The following LRRCC1 variants were observed in gnomAD, a reference collection of about 807,000 sequenced individuals.
LRRCC1 encodes leucine rich repeat and coiled-coil centrosomal protein 1.
A neutral mutation model predicts 126.0 loss-of-function variants in LRRCC1; 115 were observed. That is an observed-to-expected ratio of 0.91 (90% CI 0.78 to 1.07). The LOEUF (loss-of-function observed/expected upper bound fraction) is 1.07, where lower values mean the gene tolerates loss of function less well. Among genes scored for constraint, LRRCC1 ranks in the 50% least tolerant of loss-of-function variants. LRRCC1 has a pLI of 0.00. For missense variants in LRRCC1, 1,172 were observed against 1,175.7 expected, an observed-to-expected ratio of 1.00 and a Z score of 0.05; for synonymous variants, 400 against 393.4, an observed-to-expected ratio of 1.02 and a Z score of -0.20.
At position 85,123,439 on chromosome 8, in the gene LRRCC1, T is replaced by C; in HGVS notation, c.957T>C (p.Leu319=). Residue 319 remains leucine (L), a synonymous_variant, in exon 7 of 19, where the codon CTT becomes CTC. Coordinates refer to ENST00000360375, the MANE Select transcript of LRRCC1 (RefSeq NM_033402.5). ...CTTCTAATTCAATAGATAACGTTCT[T>C]GAGAAAGACCCCAGACCAAAAAGAG... ...NETSNSIDNV[L]EKDPRPKRDT... 1.9e-6 allele frequency: 3 copies of C among 1,599,196 alleles called. No homozygotes were observed. Among genetic ancestry groups the C allele is most frequent in the Non-Finnish European group, 2.6e-6 (3 of 1,176,370 alleles).
chr8:85,140,134 C>T (rs895371561), intron 17 of LRRCC1, among the ~76,000 whole-genome samples: 1 of 152,152 alleles, frequency 6.6e-6, no homozygotes, highest in African/African-American at 2.4e-5. Context: ...TCAGACTTTT[C>T]CATTGCATTA....
chr8:85,123,735 G>T, intron 7 of LRRCC1, 129 bp downstream of exon 7: 3 of 664,344 alleles, frequency 4.5e-6, no homozygotes, highest in East Asian at 2.9e-5. Flanking sequence ...AGCCTTGCAG[G>T]TTCTGATCTG....
In LRRCC1 at chr8:85,131,851, C is replaced by G; in HGVS notation, c.1858C>G (p.Gln620Glu). 6.2e-7 allele frequency: 1 copy of G among 1,613,620 alleles called. No homozygotes were observed. Among genetic ancestry groups the G allele is most frequent in the Non-Finnish European group, 8.5e-7 (1 of 1,179,776 alleles). ...EIAKEEKKHEQMIKEYQEKID... is the reference protein window; with the variant it reads ...EIAKEEKKHEEMIKEYQEKID... The stretch of plus-strand genomic sequence containing the variant: ...AGCCAAAGAAGAGAAAAAGCATGAG[C>G]AAATGATAAAAGAATACCAAGAGAA... The change falls in exon 12 of 19, where the codon CAA becomes GAA. Residue 620 changes from glutamine to glutamate, a missense_variant. Coordinates refer to ENST00000360375, the MANE Select transcript of LRRCC1 (RefSeq NM_033402.5).
rs766803830 is a variant in LRRCC1, at chr8:85,107,360, G to T, written c.65G>T (p.Ser22Ile). ...AEVENEDGDS[S>I]CGDVCFMDKG... ...GTGGAAAACGAAGACGGCGACAGCA[G>T]CTGCGGGGATGTATGCTTCATGGAC... Residue 22 changes from serine to isoleucine, a missense_variant, in exon 1 of 19, where the codon AGC (serine) becomes ATC (isoleucine). Physicochemically the swap from Ser to Ile is moderately radical, Grantham distance 142 (BLOSUM62 -2). Transcript: ENST00000360375. The T allele has an allele frequency of 5.6e-6, 9 of 1,613,770 alleles. No individual in the cohort carries two copies. The South Asian group carries it at 9.9e-5, about 18-fold the overall frequency.
chr8:85,120,407 C>T (rs1367615529), intron 6 of LRRCC1, among the ~76,000 whole-genome samples: 2 of 152,114 alleles, frequency 1.3e-5, no homozygotes, highest in South Asian at 2.1e-4. Context: ...TCTTTATTTG[C>T]TTCTTATGTT....
chr8:85,111,647 C>G (rs980024489), intron 3 of LRRCC1, among the ~76,000 whole-genome samples: 1 of 151,876 alleles, frequency 6.6e-6, no homozygotes, highest in African/African-American at 2.4e-5. Flanking sequence ...AAGATTTGAA[C>G]AGACACTTCA....
At chr8:85,132,507 C>T (rs1315602155) in intron 12 of LRRCC1, among the ~76,000 whole-genome samples, 1 of 150,540 alleles carries the variant, frequency 6.6e-6, no homozygotes, top group Admixed American at 6.7e-5. Flanking sequence ...GTTCTGCTGT[C>T]TCAGCCTCCC....
rs56328246 is a variant in LRRCC1 at position 85,144,442 on chromosome 8, GTGTATATATA to G, written c.2977-945_2977-936del. 3.7e-3 allele frequency among the ~76,000 whole-genome samples: 395 copies of G among 106,660 alleles called. 5 individuals carry two copies. Among genetic ancestry groups the G allele is most frequent in the African/African-American group, 8.5e-3 (208 of 24,612 alleles). 70.0% of individuals were successfully genotyped at this position (106,660 alleles called of 152,430 possible). On this transcript the variant is annotated intron_variant, in intron 18 of 18. Transcript: ENST00000360375. ...TGTGTGTGTGTATGTGTGTGTGTGT[GTGTATATATA>G]TATATATATATATATATATATATTT...
intron 9 of LRRCC1, among the ~76,000 whole-genome samples, chr8:85,128,242 G>A (rs1048834465): frequency 1.3e-5 from 2 of 152,110 alleles, no homozygotes; most frequent in African/African-American, 4.8e-5. Context: ...TATTTAGTGG[G>A]ATATTAGAGG....
chr8:85,107,265 G>A lies in LRRCC1; in HGVS notation c.-31G>A, dbSNP rs1808300321. ...GCTCACGGACCCCTCGCTGGGTGCC[G>A]GTTAAGACCCCGCTCCCCGTCGCCA... On this transcript the variant is annotated 5_prime_UTR_variant, in exon 1 of 19. Transcript: ENST00000360375. The A allele has an allele frequency of 6.3e-7, 1 of 1,588,980 alleles. No individual in the cohort carries two copies. Among genetic ancestry groups the A allele is most frequent in the Non-Finnish European group, 8.6e-7 (1 of 1,167,352 alleles).
intron 4 of LRRCC1, among the ~76,000 whole-genome samples, chr8:85,113,792 G>A (rs1808904311): frequency 6.6e-6 from 1 of 152,038 alleles, no homozygotes; most frequent in South Asian, 2.1e-4. Flanking sequence ...TGCTGGTGCT[G>A]CTGAAATGCT....
Position 85,115,360 on chromosome 8 carries a change from G to C in LRRCC1, c.721-15G>C, listed in dbSNP as rs1159228716. On this transcript the variant is annotated splice_polypyrimidine_tract_variant and intron_variant, in intron 5 of 18. Transcript: ENST00000360375. The stretch of plus-strand genomic sequence containing the variant: ...ATATAAATTAAAAGGATTTTGGTTT[G>C]TTTCTGTGTCATAGATCATTGATAG... 6.9e-6 allele frequency: 11 copies of C among 1,604,816 alleles called. No homozygotes were observed. The highest frequency in any genetic ancestry group is 9.4e-6 in the Non-Finnish European group (11 of 1,173,936).
In LRRCC1 at chr8:85,144,733, G is replaced by A. The variant is rs191125271; in HGVS notation, c.2977-656G>A. Among the ~76,000 whole-genome samples, 346 of 142,220 alleles carry A rather than the reference G, an allele frequency of 2.4e-3. 3 individuals are homozygous for A. Among genetic ancestry groups the A allele is most frequent in the African/African-American group, 5.7e-3 (224 of 39,306 alleles). The allele number at this position is 142,220 out of a possible 152,430, so 93.3% of individuals were successfully genotyped here. ...CCCACTTCGGCCTCCCAAAGTGCTG[G>A]GATTACAGGTGTGAGCCACCACACC... is the stretch of plus-strand genomic sequence containing the variant. On this transcript the variant is annotated intron_variant, in intron 18 of 18. Coordinates refer to ENST00000360375, the MANE Select transcript of LRRCC1 (RefSeq NM_033402.5).
intron 9 of LRRCC1, among the ~76,000 whole-genome samples, chr8:85,127,702 T>C (rs745944290): frequency 2.0e-5 from 3 of 152,228 alleles, no homozygotes; most frequent in Admixed American, 6.5e-5. Context: ...GTTTCTCTGA[T>C]AGGTTGTACC....
intron 9 of LRRCC1, among the ~76,000 whole-genome samples, chr8:85,127,853 G>A (rs1174866748): frequency 6.6e-6 from 1 of 152,206 alleles, no homozygotes; most frequent in Non-Finnish European, 1.5e-5. Context: ...TTTTATAAAT[G>A]TCTGTCTGAA....
chr8:85,144,444 G>GTATATATA (rs869241784), intron 18 of LRRCC1, among the ~76,000 whole-genome samples: 2 of 114,932 alleles, frequency 1.7e-5, no homozygotes, highest in Admixed American at 2.0e-4. Flanking sequence ...GTGTGTGTGT[G>GTATATATA]TATATATATA....
intron 3 of LRRCC1, among the ~76,000 whole-genome samples, chr8:85,111,099 C>G (rs1010460618): frequency 6.6e-6 from 1 of 152,012 alleles, no homozygotes; most frequent in African/African-American, 2.4e-5. Context: ...TTGTTTTTGC[C>G]GGGTGTGGTG....
intron 7 of LRRCC1, among the ~76,000 whole-genome samples, chr8:85,124,289 A>G (rs370004716): frequency 5.6e-4 from 85 of 152,166 alleles, no homozygotes; most frequent in Middle Eastern, 3.4e-3. Context: ...TACCTACCCA[A>G]TTACATTTTA....
At chr8:85,142,007 A>G (rs553369541) in intron 18 of LRRCC1, among the ~76,000 whole-genome samples, 1 of 152,296 alleles carries the variant, frequency 6.6e-6, no homozygotes, top group African/African-American at 2.4e-5. Context: ...TTAATAATAC[A>G]CATTCAGGCC....
Sources: gnomAD v4.1 joint callset for allele counts (sites outside exome capture counted in the v4.1 genomes callset) on GRCh38, gnomAD v4.1.1 for gene constraint, MANE v1.5 for transcripts, NCBI Gene and HGNC (gene_info 2026-07-23, HGNC 2026-07-21) for gene names.